GIGYF2: variants seen among roughly 807,000 people sequenced by gnomAD.
GIGYF2 encodes GRB10 interacting GYF protein 2.
In GIGYF2, 25 loss-of-function variants were observed where a neutral mutation model predicts 208.1. The observed-to-expected ratio is 0.12, with a 90% CI of 0.09 to 0.17. GIGYF2 has a LOEUF of 0.17. Among genes scored for constraint, GIGYF2 ranks in the 10% least tolerant of loss-of-function variants. GIGYF2 has a pLI of 1.00. For missense variants in GIGYF2, 1,302 were observed against 1,579.4 expected, an observed-to-expected ratio of 0.82 and a Z score of 2.98; for synonymous variants, 534 against 543.8, an observed-to-expected ratio of 0.98 and a Z score of 0.25.
At chr2:232,816,507 C>T (rs1192620635) in intron 19 of GIGYF2, among the ~76,000 whole-genome samples, 1 of 152,078 alleles carries the variant, frequency 6.6e-6, no homozygotes, top group Non-Finnish European at 1.5e-5. Context: ...TGATGTTACT[C>T]TCATGGGTGG....
rs1700934493 is a variant in GIGYF2 at position 232,816,977 on chromosome 2, A to C, written c.2315A>C (p.Gln772Pro). 6.2e-7 allele frequency: 1 copy of C among 1,613,094 alleles called. No individual in the cohort carries two copies. Among genetic ancestry groups the C allele is most frequent in the African/African-American group, 1.3e-5 (1 of 74,910 alleles). The stretch of plus-strand genomic sequence containing the variant: ...CAACAGGAGGAAATTCTTCGGCGAC[A>C]GCAGGAAGAAGAAAGGAAAAGGCGA... ...RRQQEEILRR[Q>P]QEEERKRREE... The change falls in exon 20 of 29, where the codon CAG becomes CCG. Residue 772 changes from glutamine (Q) to proline (P), a missense_variant. By Grantham distance (76) the Gln-to-Pro change is moderately conservative. Transcript: ENST00000373563.
intron 21 of GIGYF2, among the ~76,000 whole-genome samples, chr2:232,829,621 G>T (rs923443760): frequency 6.6e-6 from 1 of 152,158 alleles, no homozygotes; most frequent in Non-Finnish European, 1.5e-5. Context: ...TCTACTTCAT[G>T]CCTGTAGTTT....
intron 28 of GIGYF2, among the ~76,000 whole-genome samples, chr2:232,855,038 A>G (rs1690498939): frequency 1.3e-5 from 2 of 148,636 alleles, no homozygotes; most frequent in Admixed American, 6.7e-5. Flanking sequence ...ACATGTGACC[A>G]TTGGGCATTC....
intron 3 of GIGYF2, among the ~76,000 whole-genome samples, chr2:232,742,884 G>A (rs1210022803): frequency 6.6e-6 from 1 of 152,090 alleles, no homozygotes; most frequent in Non-Finnish European, 1.5e-5. Context: ...TAGGGTTTTG[G>A]GCATATTGAA....
At chr2:232,725,722 T>G (rs961791085) in intron 2 of GIGYF2, among the ~76,000 whole-genome samples, 1 of 152,258 alleles carries the variant, frequency 6.6e-6, no homozygotes, top group Non-Finnish European at 1.5e-5. Flanking sequence ...CACATGGTAC[T>G]CATTGTTTTT....
chr2:232,847,499 TCAGCAGCAGCAGCTGCCACAG>T lies in GIGYF2; in HGVS notation c.3626_3646del (p.Leu1209_Gln1215del), dbSNP rs527464858. ...CCAAACAGAAAGCCAACCAGCAGCG[TCAGCAGCAGCAGCTGCCACAG>T]CAGCAGCAGCAGCAGCCGCCACAGC... On this transcript the variant is annotated inframe_deletion, in exon 27 of 29. Coordinates refer to ENST00000373563, the MANE Select transcript of GIGYF2 (RefSeq NM_001103146.3). The T allele has an allele frequency of 0.049, 77,863 of 1,582,500 alleles. 2,228 individuals carry two copies. Among genetic ancestry groups the T allele is most frequent in the Middle Eastern group, 0.062 (316 of 5,056 alleles).
intron 19 of GIGYF2, 60 bp from the exon 20 acceptor site, chr2:232,816,811 C>T (rs1002262098): frequency 6.1e-5 from 79 of 1,290,644 alleles, no homozygotes; most frequent in Non-Finnish European, 8.7e-5. Flanking sequence ...CTGGTCAGTG[C>T]TTTCGGAGTG....
Position 232,834,333 on chromosome 2 carries a change from G to A in GIGYF2, c.2766+1240G>A, listed in dbSNP as rs564086720. On this transcript the variant is annotated intron_variant, in intron 22 of 28. Coordinates refer to ENST00000373563, the MANE Select transcript of GIGYF2 (RefSeq NM_001103146.3). Reference sequence around the variant, plus strand: ...GGGAACTTGTGAGATGTGCAGATTCGCACCCCAGACCTATTGAATCAGAAC... The same window carrying A: ...GGGAACTTGTGAGATGTGCAGATTCACACCCCAGACCTATTGAATCAGAAC... Among the ~76,000 whole-genome samples, 146 of 152,162 alleles carry A rather than the reference G, an allele frequency of 9.6e-4. 1 individual carries two copies. The highest frequency in any genetic ancestry group is 2.0e-3 in the Non-Finnish European group (138 of 67,992).
At chr2:232,793,368 T>G (rs1395620746) in intron 12 of GIGYF2, among the ~76,000 whole-genome samples, 1 of 152,104 alleles carries the variant, frequency 6.6e-6, no homozygotes, top group African/African-American at 2.4e-5. Context: ...AAGTAGAAAC[T>G]GTCAGGACTC....
At chr2:232,820,693 G>A (rs1454665921) in intron 21 of GIGYF2, among the ~76,000 whole-genome samples, 2 of 152,100 alleles carry the variant, frequency 1.3e-5, no homozygotes, top group African/African-American at 4.8e-5. Context: ...TTCTGCCTGT[G>A]GATATCTAGT....
intron 3 of GIGYF2, among the ~76,000 whole-genome samples, chr2:232,741,697 G>A (rs565183571): frequency 1.3e-5 from 2 of 152,090 alleles, no homozygotes; most frequent in South Asian, 4.2e-4. Context: ...GCCCTCCTTG[G>A]CCTCCTACAG....
chr2:232,846,011 T>C lies in GIGYF2; in HGVS notation c.3460+125T>C. ...ATCTAAGGAGGTCAACTGCTGCACC[T>C]GCCATAGGAACTTGACTCTTTAATA... On this transcript the variant is annotated intron_variant, in intron 26 of 28. Coordinates refer to ENST00000373563, the MANE Select transcript of GIGYF2 (RefSeq NM_001103146.3). The C allele has an allele frequency of 5.6e-6, 4 of 715,256 alleles. No homozygotes were observed. In the East Asian group the frequency reaches 1.1e-4, roughly 19 times the overall value. 44.3% of individuals were successfully genotyped at this position (715,256 alleles called of 1,614,324 possible).
At chr2:232,802,332 A>G (rs1200174514) in intron 14 of GIGYF2, among the ~76,000 whole-genome samples, 1 of 151,934 alleles carries the variant, frequency 6.6e-6, no homozygotes, top group Non-Finnish European at 1.5e-5. Context: ...GCTATCTCCT[A>G]ATGTTAGAGG....
At chr2:232,739,863 G>A (rs991323561) in intron 3 of GIGYF2, among the ~76,000 whole-genome samples, 4 of 151,496 alleles carry the variant, frequency 2.6e-5, no homozygotes, top group Admixed American at 2.0e-4. Flanking sequence ...ACTTTGGGAG[G>A]CCGAGGCGGG....
chr2:232,767,989 G>C (rs1395681518), intron 8 of GIGYF2: 1 of 580,774 alleles, frequency 1.7e-6, no homozygotes, highest in African/African-American at 1.9e-5. Context: ...GATTTCAGCA[G>C]GTAACAAACT....
At chr2:232,763,670 CAAA>C (rs1270424369) in intron 8 of GIGYF2, among the ~76,000 whole-genome samples, 1 of 150,388 alleles carries the variant, frequency 6.6e-6, no homozygotes, top group Non-Finnish European at 1.5e-5. Context: ...ACTAAAAATA[CAAA>C]AAAAAATTAG....
intron 1 of GIGYF2, among the ~76,000 whole-genome samples, chr2:232,701,368 C>T (rs185688793): frequency 9.9e-5 from 15 of 151,552 alleles, no homozygotes; most frequent in African/African-American, 3.1e-4. Context: ...ACCCTGTCTC[C>T]TGGGGGTTTG....
chr2:232,734,898 C>T (rs931067203), intron 2 of GIGYF2, among the ~76,000 whole-genome samples: 1 of 152,206 alleles, frequency 6.6e-6, no homozygotes, highest in Non-Finnish European at 1.5e-5. Flanking sequence ...GTTCCTACCT[C>T]TCTCACTAGC....
At chr2:232,851,365 C>T (rs894091954) in intron 28 of GIGYF2, among the ~76,000 whole-genome samples, 34 of 152,046 alleles carry the variant, frequency 2.2e-4, no homozygotes, top group African/African-American at 8.2e-4. Flanking sequence ...TCAGGAATAA[C>T]AAACAGTATA....
Sources: gnomAD v4.1 joint callset for allele counts (sites outside exome capture counted in the v4.1 genomes callset) on GRCh38, gnomAD v4.1.1 for gene constraint, MANE v1.5 for transcripts, NCBI Gene and HGNC (gene_info 2026-07-23, HGNC 2026-07-21) for gene names.